KRT8: variants seen among roughly 807,000 people sequenced by gnomAD.
The protein encoded by KRT8 is keratin, type II cytoskeletal 8.
Under a neutral mutation model 43.0 loss-of-function variants are expected in KRT8, and 24 were observed. That is an observed-to-expected ratio of 0.56 (90% CI 0.40 to 0.78). The LOEUF is 0.78. Ranked by LOEUF, KRT8 falls within the 30% of genes least tolerant of loss-of-function variation. KRT8 has a pLI of 0.00. For synonymous variants in KRT8, 214 were observed against 261.2 expected (o/e 0.82, Z 1.74); for missense variants, 492 against 638.4 (o/e 0.77, Z 2.47).
intron 2 of KRT8, among the ~76,000 whole-genome samples, chr12:52,938,723 T>C (rs777405516): frequency 6.6e-5 from 10 of 152,084 alleles, no homozygotes; most frequent in Non-Finnish European, 1.5e-4. Flanking sequence ...GTTCACGCTG[T>C]TCTCTTGTGT....
At chr12:52,927,154 C>T (rs911188052) in intron 2 of KRT8, among the ~76,000 whole-genome samples, 2 of 152,148 alleles carry the variant, frequency 1.3e-5, no homozygotes, top group African/African-American at 2.4e-5. Flanking sequence ...GAAGGGTGTC[C>T]ACAGCCTGGA....
chr12:52,906,991 TAC>T (rs112479898), upstream of KRT8: 6,131 of 288,374 alleles, frequency 0.021, no homozygotes, highest in Middle Eastern at 0.032. Flanking sequence ...CACGCGTGCA[TAC>T]ACACACACAC....
intron 2 of KRT8, among the ~76,000 whole-genome samples, chr12:52,932,157 G>A (rs1041723832): frequency 2.1e-5 from 3 of 145,854 alleles, no homozygotes; most frequent in African/African-American, 7.7e-5. Flanking sequence ...GCAGTGGCAC[G>A]ATCTCAGCTC....
chr12:52,898,741 G>T, exon 6 of KRT8: 2 of 1,614,224 alleles, frequency 1.2e-6, no homozygotes, highest in African/African-American at 1.3e-5. Context: ...GGGCCAGCTT[G>T]ACGTTCATCA....
At chr12:52,933,065 T>C (rs926848995) in intron 2 of KRT8, among the ~76,000 whole-genome samples, 1 of 152,162 alleles carries the variant, frequency 6.6e-6, no homozygotes, top group African/African-American at 2.4e-5. Flanking sequence ...TGCCTCAGCC[T>C]CCCAAGTAGC....
At chr12:52,916,785 C>T (rs1046936214) in intron 2 of KRT8, among the ~76,000 whole-genome samples, 3 of 152,222 alleles carry the variant, frequency 2.0e-5, no homozygotes, top group African/African-American at 2.4e-5. Flanking sequence ...CCCGCCTTCT[C>T]GCATGCTGAC....
intron 2 of KRT8, among the ~76,000 whole-genome samples, chr12:52,925,047 GA>G (rs1941962842): frequency 6.6e-6 from 1 of 152,200 alleles, no homozygotes; most frequent in African/African-American, 2.4e-5. Context: ...GGCCTGCCCA[GA>G]AGCCAAGAAA....
intron 2 of KRT8, among the ~76,000 whole-genome samples, chr12:52,942,555 C>T (rs1378241285): frequency 2.0e-5 from 3 of 152,162 alleles, no homozygotes; most frequent in Non-Finnish European, 4.4e-5. Context: ...TTCCAACTGC[C>T]GTGCCACCTC....
chr12:52,924,019 A>T (rs950887960), intron 2 of KRT8, among the ~76,000 whole-genome samples: 3 of 151,028 alleles, frequency 2.0e-5, no homozygotes, highest in Non-Finnish European at 2.9e-5. Context: ...TAATTTTCGT[A>T]TTTTTTCAGT....
At chr12:52,944,570 C>T (rs1437921751) in intron 2 of KRT8, among the ~76,000 whole-genome samples, 3 of 152,214 alleles carry the variant, frequency 2.0e-5, no homozygotes, top group Non-Finnish European at 4.4e-5. Context: ...ACAGGCAAGG[C>T]CATTCCTGGT....
chr12:52,948,971 C>T (rs1942403035), intron 2 of KRT8: 2 of 438,216 alleles, frequency 4.6e-6, no homozygotes, highest in Non-Finnish European at 7.9e-6. Flanking sequence ...GCGCGGAGGG[C>T]GCGGGGGTGG....
intron 2 of KRT8, among the ~76,000 whole-genome samples, chr12:52,935,474 C>T (rs1438104249): frequency 3.0e-5 from 4 of 135,160 alleles, no homozygotes; most frequent in African/African-American, 1.1e-4. Context: ...GGGTGTATCA[C>T]GAGGTCAGGA....
chr12:52,924,636 A>G (rs900213005), intron 2 of KRT8, among the ~76,000 whole-genome samples: 1 of 152,156 alleles, frequency 6.6e-6, no homozygotes, highest in Non-Finnish European at 1.5e-5. Flanking sequence ...TATGATGATA[A>G]TGTTTGTAAA....
At chr12:52,918,547 C>T (rs1168586836) in intron 2 of KRT8, among the ~76,000 whole-genome samples, 1 of 152,212 alleles carries the variant, frequency 6.6e-6, no homozygotes, top group African/African-American at 2.4e-5. Context: ...TCTGCTGCCC[C>T]AAAGCCATGT....
chr12:52,935,748 A>G (rs1007083227), intron 2 of KRT8, among the ~76,000 whole-genome samples: 1 of 151,936 alleles, frequency 6.6e-6, no homozygotes, highest in Non-Finnish European at 1.5e-5. Context: ...GCCTCAAGCA[A>G]TCCTCCTGCC....
At chr12:52,907,675 C>T (rs564702037), upstream of KRT8, among the ~76,000 whole-genome samples, 2 of 152,170 alleles carry the variant, frequency 1.3e-5, no homozygotes, top group African/African-American at 4.8e-5. Context: ...AGCCCAGAAC[C>T]GTCTAGGGCC....
chr12:52,938,864 G>A (rs940797156), intron 2 of KRT8, among the ~76,000 whole-genome samples: 9 of 151,962 alleles, frequency 5.9e-5, no homozygotes, highest in Non-Finnish European at 1.3e-4. Flanking sequence ...TGATCCTCCC[G>A]CCTTGACCTC....
chr12:52,906,248 T>TG (rs372384560), upstream of KRT8, among the ~76,000 whole-genome samples: 31 of 150,948 alleles, frequency 2.1e-4, no homozygotes, highest in East Asian at 3.9e-4. Flanking sequence ...ACGCAGGGGT[T>TG]GGGGGGGGCA....
At chr12:52,929,194 T>C (rs1362878936) in intron 2 of KRT8, among the ~76,000 whole-genome samples, 30 of 151,202 alleles carry the variant, frequency 2.0e-4, no homozygotes, top group African/African-American at 7.0e-4. Flanking sequence ...CTTTCTTTTT[T>C]TTTTTTTTTT....
Sources: allele counts gnomAD v4.1 joint callset (sites outside exome capture counted in the v4.1 genomes callset), GRCh38; gene constraint gnomAD v4.1.1; transcripts MANE v1.5; gene names NCBI Gene and HGNC (gene_info 2026-07-23, HGNC 2026-07-21).